COL8A1: variants seen among roughly 807,000 people sequenced by gnomAD.
COL8A1 encodes the protein collagen alpha-1(VIII) chain.
In COL8A1, 21 loss-of-function variants were observed where a neutral mutation model predicts 42.7. The observed-to-expected ratio is 0.49, with a 90% CI of 0.35 to 0.71. COL8A1 has a LOEUF of 0.71. Among genes scored for constraint, COL8A1 ranks in the 30% least tolerant of loss-of-function variants. The probability of loss-of-function intolerance (pLI) is 0.01; values close to 1 mark genes in which losing one functional copy is unlikely to be tolerated. For missense variants in COL8A1, 788 were observed against 962.4 expected, an observed-to-expected ratio of 0.82 and a Z score of 2.40; for synonymous variants, 367 against 369.1, an observed-to-expected ratio of 0.99 and a Z score of 0.06.
At chr3:99,697,603 G>A (rs1939417785) in intron 1 of COL8A1, among the ~76,000 whole-genome samples, 1 of 152,146 alleles carries the variant, frequency 6.6e-6, no homozygotes, top group Non-Finnish European at 1.5e-5. Flanking sequence ...CAGCACCTAG[G>A]AGTGACTCTA....
chr3:99,683,600 T>C (rs1023092924), intron 1 of COL8A1, among the ~76,000 whole-genome samples: 6 of 152,086 alleles, frequency 3.9e-5, no homozygotes, highest in Non-Finnish European at 8.8e-5. Context: ...CGATAAATTT[T>C]AGGGTTTTTT....
At chr3:99,762,987 A>T (rs750891070) in intron 2 of COL8A1, among the ~76,000 whole-genome samples, 1 of 152,156 alleles carries the variant, frequency 6.6e-6, no homozygotes, top group African/African-American at 2.4e-5. Context: ...CTTTTCATTC[A>T]TACCTTCTAG....
intron 2 of COL8A1, among the ~76,000 whole-genome samples, chr3:99,786,346 T>C (rs554367701): frequency 1.3e-5 from 2 of 152,324 alleles, no homozygotes; most frequent in Admixed American, 1.3e-4. Context: ...AATTAGATCA[T>C]GAGTGCAAAG....
intron 1 of COL8A1, among the ~76,000 whole-genome samples, chr3:99,683,859 A>C (rs1029169371): frequency 6.6e-6 from 1 of 152,208 alleles, no homozygotes; most frequent in Non-Finnish European, 1.5e-5. Context: ...TTTCAGCCCA[A>C]CAGAAGTGCT....
rs111966807 is a variant in COL8A1 at position 99,691,041 on chromosome 3, C to A, written c.-129+52377C>A. On this transcript the variant is annotated intron_variant, in intron 1 of 3. Transcript: ENST00000652472. ...TTGAAAATTCAGTATTCACAGGATA[C>A]CAAAAGGCTGACTTTTCCTGTATGC... is the stretch of plus-strand genomic sequence containing the variant. Among the ~76,000 whole-genome samples, 596 of 152,212 alleles carry A rather than the reference C, an allele frequency of 3.9e-3. 2 individuals carry two copies. Among genetic ancestry groups the A allele is most frequent in the African/African-American group, 0.013 (553 of 41,532 alleles).
chr3:99,656,425 T>C (rs970260722), intron 1 of COL8A1, among the ~76,000 whole-genome samples: 3 of 152,052 alleles, frequency 2.0e-5, no homozygotes, highest in African/African-American at 2.4e-5. Flanking sequence ...TTTCTTTTCA[T>C]TGAATGCAAC....
intron 1 of COL8A1, among the ~76,000 whole-genome samples, chr3:99,685,105 A>AC (rs1939009068): frequency 6.6e-6 from 1 of 152,210 alleles, no homozygotes; most frequent in South Asian, 2.1e-4. Context: ...TATAATAAAA[A>AC]CTCAGAAAAA....
intron 1 of COL8A1, among the ~76,000 whole-genome samples, chr3:99,700,061 C>T (rs763883736): frequency 5.3e-5 from 8 of 152,092 alleles, no homozygotes; most frequent in Non-Finnish European, 7.4e-5. Flanking sequence ...CCAATGCAGT[C>T]GGTCTGGACT....
chr3:99,789,211 A>G (rs1257649553), intron 2 of COL8A1, among the ~76,000 whole-genome samples: 1 of 152,206 alleles, frequency 6.6e-6, no homozygotes, highest in Admixed American at 6.5e-5. Flanking sequence ...GGATATTGCA[A>G]AATCAACGCA....
At chr3:99,731,534 GGGAGCTATT>G (rs1050088167) in intron 1 of COL8A1, among the ~76,000 whole-genome samples, 3 of 152,176 alleles carry the variant, frequency 2.0e-5, no homozygotes, top group Admixed American at 2.0e-4. Flanking sequence ...CAGTGCCATG[GGGAGCTATT>G]GGGTATGGGG....
At chr3:99,640,481 G>A (rs1937485917) in intron 1 of COL8A1, among the ~76,000 whole-genome samples, 1 of 152,190 alleles carries the variant, frequency 6.6e-6, no homozygotes, top group South Asian at 2.1e-4. Context: ...TTTTCTTGGG[G>A]TGGAGGGGGA....
In COL8A1 at chr3:99,700,074, G is replaced by A. The variant is rs140287441; in HGVS notation, c.-128-44823G>A. 2.4e-4 allele frequency among the ~76,000 whole-genome samples: 36 copies of A among 152,262 alleles called. No homozygotes were observed. In the East Asian group the frequency reaches 6.8e-3, roughly 29 times the overall value. On this transcript the variant is annotated intron_variant, in intron 1 of 3. Transcript: ENST00000652472. ...CTCCAATGCAGTCGGTCTGGACTGAGACCGGAGACTCTGCATTTCTAACCC... is the reference window on the plus strand; with the variant it reads ...CTCCAATGCAGTCGGTCTGGACTGAAACCGGAGACTCTGCATTTCTAACCC...
intron 1 of COL8A1, among the ~76,000 whole-genome samples, chr3:99,642,583 C>A (rs150047575): frequency 6.6e-6 from 1 of 152,198 alleles, no homozygotes; most frequent in Non-Finnish European, 1.5e-5. Context: ...TTATTTGGGG[C>A]TCACTTCCAT....
chr3:99,786,700 A>G (rs563795326), intron 2 of COL8A1, among the ~76,000 whole-genome samples: 3 of 152,316 alleles, frequency 2.0e-5, no homozygotes, highest in African/African-American at 7.2e-5. Flanking sequence ...GTTCAATAAG[A>G]TAATACCTCC....
At chr3:99,734,655 AC>A (rs1940643271) in intron 1 of COL8A1, among the ~76,000 whole-genome samples, 1 of 151,918 alleles carries the variant, frequency 6.6e-6, no homozygotes, top group Admixed American at 6.6e-5. Context: ...TTCCATATGA[AC>A]TTTAAAGTAG....
intron 2 of COL8A1, among the ~76,000 whole-genome samples, chr3:99,767,676 C>A (rs1387660081): frequency 1.3e-5 from 2 of 152,218 alleles, no homozygotes; most frequent in Non-Finnish European, 2.9e-5. Context: ...TGTAGCCCAT[C>A]ATCACCCTTT....
In COL8A1 at chr3:99,798,416, G is replaced by C. The variant is rs1559640177; in HGVS notation, c.*2280G>C. 1 of 152,180 alleles carries C rather than the reference G, an allele frequency of 6.6e-6. No homozygotes were observed. Among genetic ancestry groups the C allele is most frequent in the Non-Finnish European group, 1.5e-5 (1 of 68,024 alleles). The allele number at this position is 152,180 out of a possible 1,614,324, so 9.4% of individuals were successfully genotyped here. A position where few individuals can be genotyped will look rare whatever the true frequency, so the allele number is the denominator to read the frequency against. Reference sequence around the variant, plus strand: ...AGCATGGATCCATTGGGCTCCTTCTGCTAAACAGCCACATTGAAATGGTTT... The same window carrying C: ...AGCATGGATCCATTGGGCTCCTTCTCCTAAACAGCCACATTGAAATGGTTT... On this transcript the variant is annotated 3_prime_UTR_variant, in exon 4 of 4. Transcript: ENST00000652472.
intron 1 of COL8A1, among the ~76,000 whole-genome samples, chr3:99,702,924 T>A (rs1189915307): frequency 2.6e-5 from 4 of 151,164 alleles, no homozygotes; most frequent in Non-Finnish European, 4.4e-5. Flanking sequence ...AATGAGGGAG[T>A]GAGCTATAAG....
chr3:99,785,706 G>A lies in COL8A1; in HGVS notation c.-3-4974G>A, dbSNP rs1381501866. 7.2e-5 allele frequency among the ~76,000 whole-genome samples: 11 copies of A among 152,280 alleles called. 1 individual carries two copies. Among genetic ancestry groups the A allele is most frequent in the African/African-American group, 2.4e-4 (10 of 41,554 alleles). ...GCTGGTAAATAAGAAGAGGCAATTA[G>A]GACACAGACACATGGAAGAAAGACT... On this transcript the variant is annotated intron_variant, in intron 2 of 3. Coordinates refer to ENST00000652472, the MANE Select transcript of COL8A1 (RefSeq NM_020351.4).
Sources: allele counts gnomAD v4.1 joint callset (sites outside exome capture counted in the v4.1 genomes callset), GRCh38; gene constraint gnomAD v4.1.1; transcripts MANE v1.5; gene names NCBI Gene and HGNC (gene_info 2026-07-23, HGNC 2026-07-21).